The following CEP85 variants were observed in gnomAD, a reference collection of about 807,000 sequenced individuals.
CEP85 encodes the protein centrosomal protein of 85 kDa.
In CEP85, 58 loss-of-function variants were observed where a neutral mutation model predicts 93.7. The observed-to-expected ratio is 0.62, with a 90% confidence interval of 0.50 to 0.77. The LOEUF is 0.77. Ranked by LOEUF, CEP85 falls within the 30% of genes least tolerant of loss-of-function variation. The pLI is 0.00. For missense variants in CEP85, 868 were observed against 922.0 expected (o/e 0.94, Z 0.76); for synonymous variants, 314 against 338.6 (o/e 0.93, Z 0.80).
rs1478894151 is a variant in CEP85, at chr1:26,272,027, G to A, written c.1750G>A (p.Glu584Lys). ...TGATAACTTTGCCTTTCAGATTGTG[G>A]AGAAGCAGCAGCAGAAGATGGATCA... ...KRYDSLQKIVEKQQQKMDQLR... is the reference protein window; with the variant it reads ...KRYDSLQKIVKKQQQKMDQLR... The change falls in exon 11 of 14, where the codon GAG (glutamate) becomes AAG (lysine). Residue 584 changes from glutamate to lysine, a missense_variant. Coordinates refer to ENST00000451429, the MANE Select transcript of CEP85 (RefSeq NM_001319944.2). The A allele has an allele frequency of 2.5e-5, 40 of 1,614,128 alleles. No homozygotes were observed. Among genetic ancestry groups the A allele is most frequent in the Non-Finnish European group, 3.3e-5 (39 of 1,180,014 alleles).
At position 26,275,058 on chromosome 1, in the gene CEP85, C is replaced by G; in HGVS notation, c.1889C>G (p.Thr630Arg). ...GATTCAGCCCTGCAGCAGCTGCGCA[C>G]AGCCGTGAAGGAGGTGAGCAACATT... ...RRDSALQQLRTAVKELSVQNQ... is the reference protein window; with the variant it reads ...RRDSALQQLRRAVKELSVQNQ... Residue 630 changes from threonine (T) to arginine (R), a missense_variant, in exon 12 of 14, where the codon ACA becomes AGA. Coordinates refer to ENST00000451429, the MANE Select transcript of CEP85 (RefSeq NM_001319944.2). The G allele has an allele frequency of 6.4e-7, 1 of 1,574,532 alleles. No individual in the cohort carries two copies. The highest frequency in any genetic ancestry group is 8.6e-7 in the Non-Finnish European group (1 of 1,159,896).
intron 3 of CEP85, among the ~76,000 whole-genome samples, chr1:26,247,349 A>G (rs1234113091): frequency 6.6e-6 from 1 of 152,164 alleles, no homozygotes; most frequent in Non-Finnish European, 1.5e-5. Context: ...AGCAAATTGT[A>G]TAATATGTGA....
At chr1:26,269,357 A>T in intron 8 of CEP85, 103 bp from the exon 9 acceptor site, 1 of 1,180,854 alleles carries the variant, frequency 8.5e-7, no homozygotes, top group Non-Finnish European at 1.2e-6. Context: ...TGAGGAAATT[A>T]AATATAGGTT....
intron 2 of CEP85, among the ~76,000 whole-genome samples, chr1:26,243,787 C>G (rs918941995): frequency 2.6e-5 from 4 of 152,006 alleles, no homozygotes; most frequent in Admixed American, 2.6e-4. Context: ...ATTATGAGAT[C>G]AGGAGTTCAA....
Position 26,255,628 on chromosome 1 carries a change from G to A in CEP85, c.666G>A (p.Leu222=), listed in dbSNP as rs1257391203. 6.2e-7 allele frequency: 1 copy of A among 1,614,042 alleles called. No individual in the cohort carries two copies. The highest frequency in any genetic ancestry group is 8.5e-7 in the Non-Finnish European group (1 of 1,180,010). Residue 222 remains leucine (L), a synonymous_variant, in exon 4 of 14, where the codon TTG becomes TTA. Transcript: ENST00000451429. ...TSTSKELYRV[L]PEAKKAPGSG... ...CAAGTAAGGAGTTGTACAGAGTGTT[G>A]CCTGAGGCCAAGAAGGCACCGGGCA...
chr1:26,239,663 T>C (rs2089389406), intron 1 of CEP85, 99 bp from the exon 2 acceptor site: 1 of 776,170 alleles, frequency 1.3e-6, no homozygotes, highest in Admixed American at 2.0e-5. Flanking sequence ...AATACTTGAA[T>C]ATTCTATATG....
chr1:26,252,364 C>T (rs1362306663), intron 3 of CEP85, among the ~76,000 whole-genome samples: 3 of 151,798 alleles, frequency 2.0e-5, no homozygotes, highest in Non-Finnish European at 4.4e-5. Flanking sequence ...GAAGCCCTGT[C>T]TCTACTAAAA....
chr1:26,275,658 G>A (rs2090043514), intron 12 of CEP85, among the ~76,000 whole-genome samples: 1 of 152,166 alleles, frequency 6.6e-6, no homozygotes, highest in Non-Finnish European at 1.5e-5. Context: ...GGGGAGTGGA[G>A]AGTTCAAGAA....
chr1:26,235,868 G>A (rs1251477104), intron 1 of CEP85, among the ~76,000 whole-genome samples: 1 of 152,206 alleles, frequency 6.6e-6, no homozygotes, highest in East Asian at 1.9e-4. Flanking sequence ...CACCACGCCC[G>A]GCCACACTTA....
rs767568853 is a variant in CEP85, at chr1:26,277,290, G to A, written c.2283G>A (p.Gln761=). 1.2e-5 allele frequency: 20 copies of A among 1,610,032 alleles called. 1 individual carries two copies. The South Asian group carries it at 2.2e-4, about 18-fold the overall frequency. ...AQDMGENCVT[Q] ...ACATGGGAGAAAACTGTGTCACACA[G>A]TGAGGAATTCTGGGGGATTCCCCCA... Residue 761 remains glutamine, a synonymous_variant, in exon 14 of 14, where the codon CAG becomes CAA. Coordinates refer to ENST00000451429, the MANE Select transcript of CEP85 (RefSeq NM_001319944.2).
At chr1:26,238,202 C>CTTCTTTTT (rs2089359070) in intron 1 of CEP85, among the ~76,000 whole-genome samples, 1 of 88,294 alleles carries the variant, frequency 1.1e-5, no homozygotes, top group Admixed American at 1.4e-4. Context: ...GTCCCAAACT[C>CTTCTTTTT]TTTTTTTTTT....
rs748794248 is a variant in CEP85, at chr1:26,240,300, T to C, written c.55+462T>C. Among the ~76,000 whole-genome samples the C allele has an allele frequency of 6.6e-5, 10 of 152,268 alleles. No individual in the cohort carries two copies. The South Asian group carries it at 1.5e-3, about 22-fold the overall frequency. Reference sequence around the variant, plus strand: ...CAAGATTTTGAAACTTCAGTAGATATATTAAATATATACAGTCCTTAAGTG... The same window carrying C: ...CAAGATTTTGAAACTTCAGTAGATACATTAAATATATACAGTCCTTAAGTG... On this transcript the variant is annotated intron_variant, in intron 2 of 13. Coordinates refer to ENST00000451429, the MANE Select transcript of CEP85 (RefSeq NM_001319944.2).
intron 7 of CEP85, among the ~76,000 whole-genome samples, chr1:26,264,862 G>A (rs2089869068): frequency 6.6e-6 from 1 of 151,946 alleles, no homozygotes. Context: ...GGAGTTGCTG[G>A]AGTGCAGTGT....
chr1:26,253,764 G>A (rs574272659), intron 3 of CEP85, among the ~76,000 whole-genome samples: 21 of 151,830 alleles, frequency 1.4e-4, no homozygotes, highest in South Asian at 6.3e-4. Flanking sequence ...GCTTAAGGCC[G>A]GGCATGGTGG....
chr1:26,252,435 G>A (rs1199642959), intron 3 of CEP85, among the ~76,000 whole-genome samples: 1 of 151,984 alleles, frequency 6.6e-6, no homozygotes, highest in East Asian at 1.9e-4. Flanking sequence ...GGGAGGCTGA[G>A]GCAGGAGAAT....
chr1:26,258,018 C>G, intron 5 of CEP85, 125 bp from the exon 6 acceptor site: 1 of 753,850 alleles, frequency 1.3e-6, no homozygotes. Flanking sequence ...GTTCTTCTTC[C>G]TTCAGAAAAT....
intron 9 of CEP85, 79 bp downstream of exon 9, chr1:26,269,693 C>T: frequency 3.5e-6 from 4 of 1,142,676 alleles, no homozygotes; most frequent in South Asian, 1.4e-5. Context: ...ACCTGTGTGA[C>T]TTTGGGTGAT....
intron 1 of CEP85, among the ~76,000 whole-genome samples, chr1:26,237,598 G>A (rs892646851): frequency 3.3e-5 from 5 of 152,160 alleles, no homozygotes; most frequent in Admixed American, 6.6e-5. Context: ...TTAGCTCATG[G>A]ACGTTTGTGT....
chr1:26,264,119 G>A lies in CEP85; in HGVS notation c.1341+4317G>A, dbSNP rs936532276. 3.9e-5 allele frequency among the ~76,000 whole-genome samples: 6 copies of A among 152,116 alleles called. No homozygotes were observed. In the South Asian group the frequency reaches 1.0e-3, roughly 26 times the overall value. On this transcript the variant is annotated intron_variant, in intron 7 of 13. Coordinates refer to ENST00000451429, the MANE Select transcript of CEP85 (RefSeq NM_001319944.2). ...CTCTCTGACAGTATTGATTGTAATT[G>A]TTTTGGGTGTTTACATCTGTTTATA...
Sources: gnomAD v4.1 joint callset for allele counts (sites outside exome capture counted in the v4.1 genomes callset) on GRCh38, gnomAD v4.1.1 for gene constraint, MANE v1.5 for transcripts, NCBI Gene and HGNC (gene_info 2026-07-23, HGNC 2026-07-21) for gene names.